The following LACTB2 variants were observed in gnomAD, a reference collection of about 807,000 sequenced individuals.
LACTB2 encodes lactamase beta 2, also known as endoribonuclease LACTB2.
In LACTB2, 32 loss-of-function variants were observed where a neutral mutation model predicts 34.8. The ratio of observed to expected loss-of-function variants is 0.92; its 90% CI spans 0.69 to 1.24. LACTB2 has a LOEUF of 1.24. Among genes scored for constraint, LACTB2 ranks in the 50% most tolerant of loss-of-function variants. LACTB2 has a pLI of 0.00. For missense variants in LACTB2, 320 were observed against 345.0 expected, an observed-to-expected ratio of 0.93 and a Z score of 0.57; for synonymous variants, 120 against 117.5, an observed-to-expected ratio of 1.02 and a Z score of -0.14.
At chr8:70,661,979 TA>T in intron 1 of LACTB2, 82 bp from the exon 2 acceptor site, 2 of 1,210,928 alleles carry the variant, frequency 1.7e-6, no homozygotes, top group East Asian at 2.5e-5. Flanking sequence ...TAATTTACAT[TA>T]AAGAAACTGC....
chr8:70,668,981 T>C lies in LACTB2; in HGVS notation c.122+18A>G, dbSNP rs1362558429. 6.4e-7 allele frequency: 1 copy of C among 1,569,378 alleles called. No homozygotes were observed. On this transcript the variant is annotated intron_variant, in intron 1 of 6. Coordinates refer to ENST00000276590, the MANE Select transcript of LACTB2 (RefSeq NM_016027.3). ...GGGCCGGCTGCGAACGTTGGGGAGG[T>C]TGGAGAGGGACGTTTACCTGGGGCC...
chr8:70,659,010 G>A (rs912888587), intron 2 of LACTB2, among the ~76,000 whole-genome samples: 1 of 152,094 alleles, frequency 6.6e-6, no homozygotes, highest in Non-Finnish European at 1.5e-5. Flanking sequence ...CCGAGCGACA[G>A]TGCGAGACTC....
Position 70,657,896 on chromosome 8 carries a change from A to G in LACTB2, c.287-14T>C, listed in dbSNP as rs750496787. On this transcript the variant is annotated splice_polypyrimidine_tract_variant and intron_variant, in intron 2 of 6. Transcript: ENST00000276590. The stretch of plus-strand genomic sequence containing the variant: ...AATAGGTAGTGTCTAGTCATAAAAC[A>G]TATAAAATATATTAATTCACACTTT... The G allele has an allele frequency of 6.5e-7, 1 of 1,534,578 alleles. No homozygotes were observed. Among genetic ancestry groups the G allele is most frequent in the South Asian group, 1.2e-5 (1 of 85,156 alleles).
intron 3 of LACTB2, chr8:70,646,309 C>T (rs940198404): frequency 1.3e-5 from 2 of 152,078 alleles, no homozygotes; most frequent in Admixed American, 1.3e-4. Flanking sequence ...ACTCATCTGA[C>T]AAAGGGCTAA....
intron 1 of LACTB2, among the ~76,000 whole-genome samples, chr8:70,667,545 G>A (rs1004025153): frequency 1.3e-5 from 2 of 152,204 alleles, no homozygotes; most frequent in Non-Finnish European, 1.5e-5. Context: ...GTGAGCAACA[G>A]TGTTAAGTAA....
At chr8:70,646,287 T>G (rs1211519410) in intron 3 of LACTB2, 2 of 151,854 alleles carry the variant, frequency 1.3e-5, no homozygotes, top group Non-Finnish European at 2.9e-5. Flanking sequence ...TGGGAGAAAA[T>G]TTTTGCAATC....
At chr8:70,640,847 A>G (rs1818187415) in intron 5 of LACTB2, 55 bp downstream of exon 5, 2 of 1,469,710 alleles carry the variant, frequency 1.4e-6, no homozygotes, top group Middle Eastern at 1.9e-4. Flanking sequence ...AGTCTACTAA[A>G]TAGATAATTC....
chr8:70,650,399 C>T (rs536286268), intron 3 of LACTB2, among the ~76,000 whole-genome samples: 2 of 152,208 alleles, frequency 1.3e-5, no homozygotes, highest in South Asian at 4.1e-4. Flanking sequence ...TTCTACCAAA[C>T]ATTTAAAGGT....
intron 3 of LACTB2, chr8:70,651,834 A>C (rs1361400818): frequency 6.6e-6 from 1 of 152,238 alleles, no homozygotes; most frequent in African/African-American, 2.4e-5. Context: ...AAAGGAAATG[A>C]CATCAGAGGT....
chr8:70,643,074 CT>C (rs1217009331), intron 4 of LACTB2, among the ~76,000 whole-genome samples: 1 of 152,050 alleles, frequency 6.6e-6, no homozygotes, highest in Non-Finnish European at 1.5e-5. Flanking sequence ...AAGTTTATGT[CT>C]TTTTAACAGT....
Position 70,668,748 on chromosome 8 carries a change from G to GTTTTTTTTTTT in LACTB2, c.122+240_122+250dup, listed in dbSNP as rs990900411. On this transcript the variant is annotated intron_variant, in intron 1 of 6. Transcript: ENST00000276590. Reference sequence around the variant, plus strand: ...CAGTAAATCGGGTTTCAAAACAGAAGTTTTTTTTTTTTTTTTTTTTTTTTT... The same window carrying GTTTTTTTTTTT: ...CAGTAAATCGGGTTTCAAAACAGAAGTTTTTTTTTTTTTTTTTTTTTTTTTTTTTTTTTTTT... Among the ~76,000 whole-genome samples, 49 of 103,688 alleles carry GTTTTTTTTTTT rather than the reference G, an allele frequency of 4.7e-4. 4 individuals carry two copies. The highest frequency in any genetic ancestry group is 1.7e-3 in the African/African-American group (40 of 23,876). The allele number at this position is 103,688 out of a possible 152,430, so 68.0% of individuals were successfully genotyped here. A position where few individuals can be genotyped will look rare whatever the true frequency, so the allele number is the denominator to read the frequency against.
chr8:70,638,682 A>G, intron 5 of LACTB2, 53 bp from the exon 6 acceptor site: 2 of 1,301,828 alleles, frequency 1.5e-6, no homozygotes, highest in South Asian at 3.3e-5. Context: ...AAAAAAGAAC[A>G]CAGTTAATTT....
chr8:70,659,685 T>A (rs918136140), intron 2 of LACTB2, among the ~76,000 whole-genome samples: 2 of 152,258 alleles, frequency 1.3e-5, no homozygotes, highest in Non-Finnish European at 2.9e-5. Flanking sequence ...TTTCTGCTTA[T>A]GAGACCTTTA....
At chr8:70,645,762 G>C (rs1426520331) in intron 3 of LACTB2, among the ~76,000 whole-genome samples, 1 of 149,822 alleles carries the variant, frequency 6.7e-6, no homozygotes, top group African/African-American at 2.5e-5. Flanking sequence ...TTTTGTCCTT[G>C]CGATAGTTTG....
intron 1 of LACTB2, among the ~76,000 whole-genome samples, chr8:70,663,606 GA>G (rs34755386): frequency 0.4 from 61,111 of 151,520 alleles, 13,817 homozygotes; most frequent in Non-Finnish European, 0.52. Context: ...CAACCACCAG[GA>G]TATTTGTTAA....
chr8:70,663,417 CA>C (rs1818502788), intron 1 of LACTB2: 1 of 152,238 alleles, frequency 6.6e-6, no homozygotes, highest in African/African-American at 2.4e-5. Context: ...CTTCTATCTG[CA>C]CCCTATGTTC....
intron 3 of LACTB2, among the ~76,000 whole-genome samples, chr8:70,657,111 G>C (rs963570717): frequency 6.6e-6 from 1 of 152,114 alleles, no homozygotes; most frequent in African/African-American, 2.4e-5. Flanking sequence ...GATCGGTCAG[G>C]CCTAAAACTT....
At chr8:70,649,664 T>G (rs1442924474) in intron 3 of LACTB2, among the ~76,000 whole-genome samples, 2 of 152,172 alleles carry the variant, frequency 1.3e-5, no homozygotes, top group African/African-American at 4.8e-5. Context: ...TTTTTCTTAG[T>G]GGAAAGTTAA....
intron 3 of LACTB2, among the ~76,000 whole-genome samples, chr8:70,651,427 C>A (rs1211883173): frequency 6.6e-6 from 1 of 152,078 alleles, no homozygotes; most frequent in East Asian, 1.9e-4. Flanking sequence ...GTATTTCCAG[C>A]CAACTATATA....
Sources: allele counts gnomAD v4.1 joint callset (sites outside exome capture counted in the v4.1 genomes callset), GRCh38; gene constraint gnomAD v4.1.1; transcripts MANE v1.5; gene names NCBI Gene and HGNC (gene_info 2026-07-23, HGNC 2026-07-21).